The following ADGRA1 variants were observed in gnomAD, a reference collection of about 807,000 sequenced individuals.
ADGRA1 encodes the protein adhesion G protein-coupled receptor A1.
ADGRA1 carries 12 observed loss-of-function variants against 21.3 expected under a neutral mutation model. The ratio of observed to expected loss-of-function variants is 0.56; its 90% CI spans 0.36 to 0.91. The LOEUF (loss-of-function observed/expected upper bound fraction) is 0.91. Among genes scored for constraint, ADGRA1 ranks in the 40% least tolerant of loss-of-function variants. The probability of loss-of-function intolerance (pLI) is 0.01; values close to 1 mark genes in which losing one functional copy is unlikely to be tolerated. For synonymous variants in ADGRA1, 385 were observed against 368.8 expected (o/e 1.04, Z -0.50); for missense variants, 790 against 805.6 (o/e 0.98, Z 0.23).
In ADGRA1 at chr10:133,088,823, G is replaced by C. The variant is rs1851548586; in HGVS notation, c.-87G>C. ...CTTTGACCTTCCAGAGGCCATGGAGGCTGGCGGGGAGCAGGGCGCCACCTG... is the reference window on the plus strand; with the variant it reads ...CTTTGACCTTCCAGAGGCCATGGAGCCTGGCGGGGAGCAGGGCGCCACCTG... On this transcript the variant is annotated 5_prime_UTR_variant, in exon 2 of 7. Transcript: ENST00000392607. 10 of 1,234,752 alleles carry C rather than the reference G, an allele frequency of 8.1e-6. No homozygotes were observed. The highest frequency in any genetic ancestry group is 4.2e-5 in the Admixed American group (1 of 23,712). The allele number at this position is 1,234,752 out of a possible 1,614,324, so 76.5% of individuals were successfully genotyped here.
chr10:133,092,989 C>T, intron 2 of ADGRA1: 1 of 1,591,522 alleles, frequency 6.3e-7, no homozygotes. Context: ...CCGGACACCT[C>T]ACCGTGCAGG....
At position 133,130,492 on chromosome 10, in the gene ADGRA1, C is replaced by T. The variant is rs1334885351; in HGVS notation, c.*981C>T. On this transcript the variant is annotated 3_prime_UTR_variant, in exon 7 of 7. Transcript: ENST00000392607. Reference sequence around the variant, plus strand: ...CTCCATGAACATCTGGGTACCAAGCCCTGACTCAAAGGACAGATGTGGATG... The same window carrying T: ...CTCCATGAACATCTGGGTACCAAGCTCTGACTCAAAGGACAGATGTGGATG... The T allele has an allele frequency of 1.3e-5, 2 of 152,206 alleles. No individual in the cohort carries two copies. Among genetic ancestry groups the T allele is most frequent in the African/African-American group, 4.8e-5 (2 of 41,448 alleles). 9.4% of individuals were successfully genotyped at this position (152,206 alleles called of 1,614,324 possible).
At chr10:133,089,473 C>T (rs549571014) in intron 2 of ADGRA1, among the ~76,000 whole-genome samples, 1 of 152,318 alleles carries the variant, frequency 6.6e-6, no homozygotes, top group South Asian at 2.1e-4. Context: ...ATCGGCTAGC[C>T]GAGCCCATCG....
chr10:133,102,555 G>A (rs753934160), intron 4 of ADGRA1, 142 bp from the exon 5 acceptor site: 9 of 947,134 alleles, frequency 9.5e-6, no homozygotes, highest in African/African-American at 1.6e-5. Context: ...CGGCTGTGGG[G>A]CGGCCGCTGC....
intron 2 of ADGRA1, chr10:133,095,666 C>T (rs369039734): frequency 1.7e-4 from 272 of 1,596,314 alleles, no homozygotes; most frequent in South Asian, 4.2e-4. Context: ...CCTCTGTCCA[C>T]GGTGGACACT....
rs112232872 is a variant in ADGRA1, at chr10:133,127,746, G to A, written c.500+415G>A. Among the ~76,000 whole-genome samples, 767 of 146,776 alleles carry A rather than the reference G, an allele frequency of 5.2e-3. 25 individuals are homozygous for A. Among genetic ancestry groups the A allele is most frequent in the African/African-American group, 0.019 (721 of 38,828 alleles). On this transcript the variant is annotated intron_variant, in intron 6 of 6. Coordinates refer to ENST00000392607, the MANE Select transcript of ADGRA1 (RefSeq NM_001083909.3). Reference sequence around the variant, plus strand: ...TCTGCGGCCCCAGGATGGCCCGCCCGTCTGCCCTCCGCCTTGCCCCGCCCA... The same window carrying A: ...TCTGCGGCCCCAGGATGGCCCGCCCATCTGCCCTCCGCCTTGCCCCGCCCA...
chr10:133,096,938 A>G (rs1851699668), intron 2 of ADGRA1, 36 bp from the exon 3 acceptor site: 1 of 1,589,268 alleles, frequency 6.3e-7, no homozygotes. Context: ...CAGACCCACC[A>G]GCCAGTCACA....
chr10:133,129,413 G>T lies in ADGRA1; in HGVS notation c.1585G>T (p.Gly529Trp). The T allele has an allele frequency of 6.2e-7, 1 of 1,605,946 alleles. No individual in the cohort carries two copies. The change falls in exon 7 of 7, where the codon GGG becomes TGG. Residue 529 changes from glycine (G) to tryptophan (W), a missense_variant. This residue lies in a region of ADGRA1 where 391 missense variants were observed against 351.5 expected (regional missense o/e 1.11). Coordinates refer to ENST00000392607, the MANE Select transcript of ADGRA1 (RefSeq NM_001083909.3). ...GCCCTTTGGTGGCCCCAGCCAGAAC[G>T]GGCTGCCCAAGGGTAAATTGCTAGA... ...SLPFGGPSQN[G>W]LPKGKLLEGL...
chr10:133,088,650 C>A lies in ADGRA1; in HGVS notation c.-202-58C>A, dbSNP rs912805200. 4 of 1,116,838 alleles carry A rather than the reference C, an allele frequency of 3.6e-6. No homozygotes were observed. The African/African-American group carries it at 4.9e-5, about 14-fold the overall frequency. 69.2% of individuals were successfully genotyped at this position (1,116,838 alleles called of 1,614,324 possible). A position where few individuals can be genotyped will look rare whatever the true frequency, so the allele number is the denominator to read the frequency against. ...CTGCTCCCTGGCGGGGTCGGGGCTGCGAGCTGCCCTCCGCGGGGACCCTCC... is the reference window on the plus strand; with the variant it reads ...CTGCTCCCTGGCGGGGTCGGGGCTGAGAGCTGCCCTCCGCGGGGACCCTCC... On this transcript the variant is annotated intron_variant, in intron 1 of 6. Coordinates refer to ENST00000392607, the MANE Select transcript of ADGRA1 (RefSeq NM_001083909.3).
chr10:133,087,959 C>T lies in ADGRA1; in HGVS notation c.-382C>T. 1 of 984,510 alleles carries T rather than the reference C, an allele frequency of 1.0e-6. No individual in the cohort carries two copies. Among genetic ancestry groups the T allele is most frequent in the Non-Finnish European group, 1.2e-6 (1 of 829,662 alleles). 61.0% of individuals were successfully genotyped at this position (984,510 alleles called of 1,614,324 possible). A position where few individuals can be genotyped will look rare whatever the true frequency, so the allele number is the denominator to read the frequency against. On this transcript the variant is annotated 5_prime_UTR_variant, in exon 1 of 7. Coordinates refer to ENST00000392607, the MANE Select transcript of ADGRA1 (RefSeq NM_001083909.3). Reference sequence around the variant, plus strand: ...CGGCGCTGCTGGCCGGGCTGGGCCGCTCGTGCGCGGGGCTGTGACTCACCG... The same window carrying T: ...CGGCGCTGCTGGCCGGGCTGGGCCGTTCGTGCGCGGGGCTGTGACTCACCG...
intron 5 of ADGRA1, among the ~76,000 whole-genome samples, chr10:133,111,909 G>C (rs11598526): frequency 0.25 from 2,835 of 11,330 alleles, 639 homozygotes; most frequent in African/African-American, 0.36. Context: ...CCCTCCTAAT[G>C]CCTCCAGACC....
chr10:133,116,842 G>T (rs570907784), intron 5 of ADGRA1, among the ~76,000 whole-genome samples: 1 of 152,276 alleles, frequency 6.6e-6, no homozygotes, highest in East Asian at 1.9e-4. Context: ...GGCGCCTCGA[G>T]CAGAGACTCC....
intron 5 of ADGRA1, among the ~76,000 whole-genome samples, chr10:133,113,153 TTTG>T: frequency 2.4e-5 from 1 of 41,150 alleles, no homozygotes; most frequent in Non-Finnish European, 4.9e-5. Flanking sequence ...ACGTCGGTTA[TTTG>T]AGGTCTGTAA....
intron 2 of ADGRA1, chr10:133,092,877 G>GAAGGAAGGAAGA: frequency 6.7e-7 from 1 of 1,482,380 alleles, no homozygotes; most frequent in Non-Finnish European, 9.1e-7. Flanking sequence ...AGGAAGGAAG[G>GAAGGAAGGAAGA]AAATGAAGGG....
rs757036619 is a variant in ADGRA1, at chr10:133,098,719, G to A, written c.211G>A (p.Ala71Thr). ...FHAALTFTVF[A>T]GGINRTKYPI... The stretch of plus-strand genomic sequence containing the variant: ...CGCGGCCCTGACCTTCACTGTGTTC[G>A]CCGGCGGCATCAATCGCACCAAGTA... The change falls in exon 4 of 7, where the codon GCC becomes ACC. Residue 71 changes from alanine (A) to threonine (T), a missense_variant. Coordinates refer to ENST00000392607, the MANE Select transcript of ADGRA1 (RefSeq NM_001083909.3). 19 of 1,611,624 alleles carry A rather than the reference G, an allele frequency of 1.2e-5. No individual in the cohort carries two copies. Among genetic ancestry groups the A allele is most frequent in the Admixed American group, 1.7e-5 (1 of 59,994 alleles).
At chr10:133,107,657 C>G (rs1482468017) in intron 5 of ADGRA1, among the ~76,000 whole-genome samples, 1 of 152,160 alleles carries the variant, frequency 6.6e-6, no homozygotes, top group African/African-American at 2.4e-5. Context: ...CTGAGTGCTG[C>G]TTTTCCTGCA....
intron 4 of ADGRA1, among the ~76,000 whole-genome samples, chr10:133,099,287 C>T (rs1289529644): frequency 6.6e-6 from 1 of 151,870 alleles, no homozygotes; most frequent in Non-Finnish European, 1.5e-5. Context: ...GGAGACACAG[C>T]CCACCCCTCC....
intron 2 of ADGRA1, among the ~76,000 whole-genome samples, chr10:133,094,711 G>A (rs1001192560): frequency 2.0e-5 from 3 of 152,150 alleles, no homozygotes; most frequent in Admixed American, 6.5e-5. Context: ...ACAATGGCTC[G>A]TCGGAACTGT....
chr10:133,100,952 C>T (rs564368858), intron 4 of ADGRA1, among the ~76,000 whole-genome samples: 72 of 152,326 alleles, frequency 4.7e-4, no homozygotes, highest in African/African-American at 1.7e-3. Flanking sequence ...CAGAGCCACT[C>T]GGGGAGCCCA....
Sources: gnomAD v4.1 joint callset for allele counts (sites outside exome capture counted in the v4.1 genomes callset) on GRCh38, gnomAD v4.1.1 for gene constraint, gnomAD v4.1.1 regional missense constraint, MANE v1.5 for transcripts, NCBI Gene and HGNC (gene_info 2026-07-23, HGNC 2026-07-21) for gene names.